PRMT7: variants seen among roughly 807,000 people sequenced by gnomAD.
PRMT7 encodes the protein protein arginine N-methyltransferase 7.
In PRMT7, 75 loss-of-function variants were observed where a neutral mutation model predicts 85.4. The observed-to-expected ratio is 0.88, with a 90% confidence interval of 0.73 to 1.06. The LOEUF (loss-of-function observed/expected upper bound fraction) is 1.06, where lower values mean the gene tolerates loss of function less well. Ranked by LOEUF, PRMT7 falls within the 50% of genes least tolerant of loss-of-function variation. PRMT7 has a pLI of 0.00. For missense variants in PRMT7, 868 were observed against 915.2 expected (o/e 0.95, Z 0.67); for synonymous variants, 397 against 359.5 (o/e 1.10, Z -1.18).
chr16:68,356,738 T>A lies in PRMT7; in HGVS notation c.1849T>A (p.Tyr617Asn). 6.2e-7 allele frequency: 1 copy of A among 1,611,504 alleles called. No individual in the cohort carries two copies. The highest frequency in any genetic ancestry group is 8.5e-7 in the Non-Finnish European group (1 of 1,179,814). ...CCACGCAGCGGTGCTATGGATGGAGTACCACCTGACCCCGGAGTGCACGCT... is the reference window on the plus strand; with the variant it reads ...CCACGCAGCGGTGCTATGGATGGAGAACCACCTGACCCCGGAGTGCACGCT... ...QSHAAVLWME[Y>N]HLTPECTLST... The change falls in exon 18 of 19, where the codon TAC becomes AAC. Residue 617 changes from tyrosine (Y) to asparagine (N), a missense_variant. Coordinates refer to ENST00000441236, the MANE Select transcript of PRMT7 (RefSeq NM_019023.5).
At chr16:68,339,227 C>G (rs1668535292) in intron 7 of PRMT7, 95 bp from the exon 8 acceptor site, 3 of 1,530,348 alleles carry the variant, frequency 2.0e-6, no homozygotes, top group Non-Finnish European at 1.8e-6. Flanking sequence ...CTGAACCAAC[C>G]TAATGTTAAG....
chr16:68,350,986 C>T (rs2087235002), intron 14 of PRMT7, among the ~76,000 whole-genome samples: 1 of 152,206 alleles, frequency 6.6e-6, no homozygotes, highest in Admixed American at 6.5e-5. Context: ...ATTTGGGTGG[C>T]TCCTACTTTT....
In PRMT7 at chr16:68,356,967, C is replaced by CT. The variant is rs2088670338; in HGVS notation, c.1909-86dup. ...CTGGCCCCTGAGCAGCTTCTCTCTGCTGCGAGCTGCCTGGGCTGGAGGCTG... is the reference window on the plus strand; with the variant it reads ...CTGGCCCCTGAGCAGCTTCTCTCTGCTTGCGAGCTGCCTGGGCTGGAGGCTG... On this transcript the variant is annotated intron_variant, in intron 18 of 18. Transcript: ENST00000441236. The CT allele has an allele frequency of 2.0e-6, 3 of 1,465,658 alleles. No homozygotes were observed. The African/African-American group carries it at 4.2e-5, about 21-fold the overall frequency. 90.8% of individuals were successfully genotyped at this position (1,465,658 alleles called of 1,614,324 possible). A position where few individuals can be genotyped will look rare whatever the true frequency, so the allele number is the denominator to read the frequency against.
At position 68,311,108 on chromosome 16, in the gene PRMT7, C is replaced by T. The variant is rs1022516866; in HGVS notation, c.-219+9C>T. The T allele has an allele frequency of 1.7e-5, 12 of 695,444 alleles. No individual in the cohort carries two copies. The African/African-American group carries it at 1.9e-4, about 11-fold the overall frequency. The allele number at this position is 695,444 out of a possible 1,614,324, so 43.1% of individuals were successfully genotyped here. A position where few individuals can be genotyped will look rare whatever the true frequency, so the allele number is the denominator to read the frequency against. The stretch of plus-strand genomic sequence containing the variant: ...AGGGTTTCCCGCGGCGGGTGAGGCG[C>T]TGGGTATGCTGGGAAGGTGGGGTCG... On this transcript the variant is annotated intron_variant, in intron 1 of 18. Transcript: ENST00000441236.
intron 5 of PRMT7, among the ~76,000 whole-genome samples, chr16:68,327,304 C>T (rs1020531909): frequency 6.6e-6 from 1 of 152,132 alleles, no homozygotes; most frequent in Non-Finnish European, 1.5e-5. Context: ...ACACGTGAGT[C>T]TGTTTGTTTT....
intron 11 of PRMT7, among the ~76,000 whole-genome samples, chr16:68,346,960 G>C (rs955874734): frequency 7.1e-6 from 1 of 139,884 alleles, no homozygotes; most frequent in East Asian, 2.3e-4. Context: ...TGGCCTGCAG[G>C]TGGTGCAGGC....
chr16:68,323,446 C>T (rs2082741924), intron 4 of PRMT7, among the ~76,000 whole-genome samples: 1 of 152,108 alleles, frequency 6.6e-6, no homozygotes, highest in Non-Finnish European at 1.5e-5. Flanking sequence ...TCTCCAACTC[C>T]TGACCTCAAG....
intron 6 of PRMT7, among the ~76,000 whole-genome samples, chr16:68,331,536 T>G (rs1231212591): frequency 6.6e-6 from 1 of 151,220 alleles, no homozygotes; most frequent in African/African-American, 2.4e-5. Flanking sequence ...GGTGTGAGCA[T>G]GGCTTATTGC....
At chr16:68,352,149 A>G (rs2087483216) in intron 14 of PRMT7, 99 bp from the exon 15 acceptor site, 1 of 1,298,816 alleles carries the variant, frequency 7.7e-7, no homozygotes, top group African/African-American at 1.5e-5. Context: ...TGAGGGAGTG[A>G]CTTGAGTGAC....
chr16:68,356,586 A>C (rs1306834145), intron 17 of PRMT7, 115 bp from the exon 18 acceptor site: 2 of 740,412 alleles, frequency 2.7e-6, no homozygotes, highest in Non-Finnish European at 4.6e-6. Flanking sequence ...AACTCCCGGC[A>C]GGGCAGGAAG....
intron 6 of PRMT7, 79 bp from the exon 7 acceptor site, chr16:68,337,380 C>T (rs1327392294): frequency 9.9e-7 from 1 of 1,005,068 alleles, no homozygotes; most frequent in Admixed American, 2.1e-5. Flanking sequence ...CCCTTAACCA[C>T]TTATCTTTCC....
At chr16:68,339,276 C>T in intron 7 of PRMT7, 46 bp from the exon 8 acceptor site, 1 of 1,608,334 alleles carries the variant, frequency 6.2e-7, no homozygotes, top group Non-Finnish European at 8.5e-7. Flanking sequence ...TACTGTGGGT[C>T]TAAGCATCTG....
At chr16:68,350,136 T>TGGA (rs2087074497) in intron 14 of PRMT7, among the ~76,000 whole-genome samples, 1 of 152,098 alleles carries the variant, frequency 6.6e-6, no homozygotes, top group Non-Finnish European at 1.5e-5. Context: ...TTGAAGGCTG[T>TGGA]GTAGCATTCC....
intron 6 of PRMT7, among the ~76,000 whole-genome samples, chr16:68,335,780 CT>C (rs771646295): frequency 3.6e-3 from 496 of 137,926 alleles, no homozygotes; most frequent in Admixed American, 4.6e-3. Context: ...TGCTCTCTTT[CT>C]TTTTTTTTTT....
chr16:68,352,123 A>AGG, intron 14 of PRMT7, 125 bp from the exon 15 acceptor site: 1 of 959,810 alleles, frequency 1.0e-6, no homozygotes, highest in Non-Finnish European at 1.6e-6. Flanking sequence ...TGAGTGAGGG[A>AGG]GGGAGAGGGA....
chr16:68,339,939 T>C lies in PRMT7; in HGVS notation c.898T>C (p.Trp300Arg). ...GKIKCTMAPF[W>R]AHSDPEEMQW... is the part of the protein sequence containing the mutation. ...GATCAAGTGCACCATGGCCCCCTTC[T>C]GGGCACACTCAGACCCAGAGGAGAT... The change falls in exon 9 of 19, where the codon TGG (tryptophan) becomes CGG (arginine). Residue 300 changes from tryptophan (W) to arginine (R), a missense_variant. Trp to Arg is a moderately radical substitution (Grantham distance 101). Transcript: ENST00000441236. 6.2e-7 allele frequency: 1 copy of C among 1,613,984 alleles called. No homozygotes were observed. Among genetic ancestry groups the C allele is most frequent in the Non-Finnish European group, 8.5e-7 (1 of 1,179,960 alleles).
intron 9 of PRMT7, among the ~76,000 whole-genome samples, chr16:68,343,673 G>C (rs2085884495): frequency 6.6e-6 from 1 of 152,164 alleles, no homozygotes. Flanking sequence ...TTCTTCACAT[G>C]CATTTGCATA....
Position 68,357,059 on chromosome 16 carries a change from C to T in PRMT7, c.1914C>T (p.Gly638=), listed in dbSNP as rs1266463626. Residue 638 remains glycine (G), a synonymous_variant, in exon 19 of 19, where the codon GGC becomes GGT. Transcript: ENST00000441236. Reference sequence around the variant, plus strand: ...TCCTGCTCTTCTTCCTACAGGGGGGCTGCTGCTGGAACCCCCACTGCAAGC... The same window carrying T: ...TCCTGCTCTTCTTCCTACAGGGGGGTTGCTGCTGGAACCCCCACTGCAAGC... The part of the protein sequence containing the change: ...GLLEPADPEG[G]CCWNPHCKQA... The T allele has an allele frequency of 6.2e-7, 1 of 1,606,144 alleles. No homozygotes were observed. The highest frequency in any genetic ancestry group is 1.1e-5 in the South Asian group (1 of 89,896).
intron 17 of PRMT7, 64 bp downstream of exon 17, chr16:68,355,947 C>A: frequency 7.0e-7 from 1 of 1,435,798 alleles, no homozygotes. Flanking sequence ...TTCTCACCCC[C>A]GTGGTGAGCA....
Sources: gnomAD v4.1 joint callset for allele counts (sites outside exome capture counted in the v4.1 genomes callset) on GRCh38, gnomAD v4.1.1 for gene constraint, MANE v1.5 for transcripts, NCBI Gene and HGNC (gene_info 2026-07-23, HGNC 2026-07-21) for gene names.